Variants in DDX4 observed in about 807,000 individuals in gnomAD.
The protein encoded by DDX4 is DEAD-box helicase 4, also known as probable ATP-dependent RNA helicase DDX4.
A neutral mutation model predicts 100.0 loss-of-function variants in DDX4; 25 were observed. The observed-to-expected ratio is 0.25, with a 90% CI of 0.18 to 0.35. The LOEUF (loss-of-function observed/expected upper bound fraction) is 0.35, where lower values mean the gene tolerates loss of function less well. Among genes scored for constraint, DDX4 ranks in the 10% least tolerant of loss-of-function variants. DDX4 has a pLI of 1.00. For synonymous variants in DDX4, 259 were observed against 275.7 expected, an observed-to-expected ratio of 0.94 and a Z score of 0.60; for missense variants, 635 against 882.4, an observed-to-expected ratio of 0.72 and a Z score of 3.55.
At chr5:55,776,112 T>C (rs1469246516) in intron 7 of DDX4, among the ~76,000 whole-genome samples, 1 of 152,164 alleles carries the variant, frequency 6.6e-6, no homozygotes, top group Non-Finnish European at 1.5e-5. Context: ...CGAACGAGAC[T>C]CTGTCTCAAA....
intron 3 of DDX4, among the ~76,000 whole-genome samples, chr5:55,749,879 G>T (rs145115982): frequency 1.9e-3 from 273 of 147,136 alleles, no homozygotes; most frequent in African/African-American, 4.8e-3. Context: ...GAAAGGCCAC[G>T]AAAGTTAACT....
At chr5:55,816,385 TGA>T in intron 21 of DDX4, 76 bp from the exon 22 acceptor site, 1 of 1,521,070 alleles carries the variant, frequency 6.6e-7, no homozygotes, top group African/African-American at 1.4e-5. Context: ...GCTCTCAGTC[TGA>T]GTGATGTAAC....
intron 2 of DDX4, chr5:55,742,161 T>C (rs1237211868): frequency 2.4e-5 from 11 of 456,194 alleles, no homozygotes; most frequent in South Asian, 1.1e-4. Flanking sequence ...GATTTTATAA[T>C]GTGGCAATTA....
chr5:55,807,622 C>T (rs1042120513), intron 18 of DDX4, among the ~76,000 whole-genome samples: 1 of 152,192 alleles, frequency 6.6e-6, no homozygotes, highest in Non-Finnish European at 1.5e-5. Context: ...GTTGCAGATT[C>T]TTTTCTTTAA....
chr5:55,781,186 G>A (rs770917284), intron 9 of DDX4, 40 bp downstream of exon 9: 12 of 1,504,960 alleles, frequency 8.0e-6, no homozygotes, highest in Middle Eastern at 1.7e-4. Context: ...AGTTACTGAT[G>A]TATGTTTTTA....
chr5:55,747,115 G>A (rs1312483790), intron 3 of DDX4, among the ~76,000 whole-genome samples: 8 of 152,130 alleles, frequency 5.3e-5, no homozygotes, highest in Admixed American at 5.2e-4. Flanking sequence ...GGGTATGGTG[G>A]CTCATGCCTG....
At chr5:55,794,213 C>CTCT (rs1218683312) in intron 17 of DDX4, among the ~76,000 whole-genome samples, 1 of 142,606 alleles carries the variant, frequency 7.0e-6, no homozygotes, top group Non-Finnish European at 1.5e-5. Flanking sequence ...TGAAGTCTTG[C>CTCT]TCTTGCTCTT....
rs1165133063 is a variant in DDX4, at chr5:55,790,557, T to G, written c.1173-19T>G. ...TTTTTAAGTAACTAGAAAATAACAT[T>G]TAGTTTTCTTGTTAATAGGACTTGT... On this transcript the variant is annotated intron_variant, in intron 15 of 21. Transcript: ENST00000505374. 6.6e-7 allele frequency: 1 copy of G among 1,519,288 alleles called. No homozygotes were observed. Among genetic ancestry groups the G allele is most frequent in the Non-Finnish European group, 9.0e-7 (1 of 1,106,118 alleles). 94.1% of individuals were successfully genotyped at this position (1,519,288 alleles called of 1,614,324 possible).
At chr5:55,777,417 C>A (rs1741632208) in intron 7 of DDX4, 2 of 151,960 alleles carry the variant, frequency 1.3e-5, no homozygotes, top group Non-Finnish European at 2.9e-5. Flanking sequence ...CCAGCCTGAG[C>A]AACTAAATCT....
At position 55,775,300 on chromosome 5, in the gene DDX4, G is replaced by A. The variant is rs76529746; in HGVS notation, c.395-4664G>A. Among the ~76,000 whole-genome samples, 534 of 152,208 alleles carry A rather than the reference G, an allele frequency of 3.5e-3. 7 individuals carry two copies. Among genetic ancestry groups the A allele is most frequent in the African/African-American group, 0.012 (512 of 41,536 alleles). ...TCTTCTTTCCGACTATTGTAAGTCC[G>A]CTATGAACATTCACCTACAGTTATC... On this transcript the variant is annotated intron_variant, in intron 7 of 21. Transcript: ENST00000505374.
At chr5:55,797,614 A>T (rs1194771110) in intron 17 of DDX4, among the ~76,000 whole-genome samples, 1 of 152,236 alleles carries the variant, frequency 6.6e-6, no homozygotes, top group East Asian at 1.9e-4. Context: ...CAGCTGGTAA[A>T]TAAGGGACTG....
intron 3 of DDX4, among the ~76,000 whole-genome samples, chr5:55,752,568 T>C: frequency 6.8e-6 from 1 of 146,086 alleles, no homozygotes; most frequent in Non-Finnish European, 1.5e-5. Context: ...CACATTTTCT[T>C]AATCCAGTCT....
intron 17 of DDX4, 110 bp downstream of exon 17, chr5:55,792,917 T>C (rs1451284064): frequency 4.1e-5 from 26 of 629,812 alleles, no homozygotes; most frequent in Non-Finnish European, 5.5e-5. Flanking sequence ...AAGATTTTAA[T>C]ATAGGTAGTT....
chr5:55,761,688 A>G (rs1190911175), intron 4 of DDX4, among the ~76,000 whole-genome samples: 3 of 151,958 alleles, frequency 2.0e-5, no homozygotes, highest in Admixed American at 6.6e-5. Flanking sequence ...GCTTACTGCA[A>G]CCTTCACCTC....
intron 3 of DDX4, among the ~76,000 whole-genome samples, chr5:55,748,271 T>C (rs1759351758): frequency 6.6e-6 from 1 of 152,218 alleles, no homozygotes; most frequent in Non-Finnish European, 1.5e-5. Context: ...CTGTGTGTAC[T>C]TAGAGTATTC....
intron 17 of DDX4, among the ~76,000 whole-genome samples, chr5:55,797,920 A>G (rs1387104694): frequency 3.3e-5 from 5 of 152,204 alleles, no homozygotes; most frequent in Non-Finnish European, 7.3e-5. Flanking sequence ...GTCGTGACAG[A>G]CAGAGCACTG....
intron 16 of DDX4, among the ~76,000 whole-genome samples, chr5:55,791,403 C>T (rs1742549382): frequency 1.3e-5 from 2 of 152,052 alleles, no homozygotes; most frequent in South Asian, 4.2e-4. Flanking sequence ...ATTAAAAGGA[C>T]CCAGAGATAT....
intron 18 of DDX4, among the ~76,000 whole-genome samples, chr5:55,810,902 T>C (rs1313415915): frequency 6.6e-6 from 1 of 152,180 alleles, no homozygotes; most frequent in East Asian, 1.9e-4. Flanking sequence ...TTAATTGAAG[T>C]GACAAAACAT....
intron 21 of DDX4, among the ~76,000 whole-genome samples, chr5:55,815,824 T>A (rs1264842037): frequency 2.0e-5 from 3 of 150,600 alleles, no homozygotes; most frequent in Non-Finnish European, 4.4e-5. Flanking sequence ...CAGGCTGGAG[T>A]GCAGTGGCAT....
Sources: gnomAD v4.1 joint callset for allele counts (sites outside exome capture counted in the v4.1 genomes callset) on GRCh38, gnomAD v4.1.1 for gene constraint, MANE v1.5 for transcripts, NCBI Gene and HGNC (gene_info 2026-07-23, HGNC 2026-07-21) for gene names.